Variants in AGBL1 observed in about 807,000 individuals in gnomAD.
AGBL1 encodes the protein AGBL carboxypeptidase 1.
A neutral mutation model predicts 118.9 loss-of-function variants in AGBL1; 130 were observed. That is an observed-to-expected ratio of 1.09 (90% CI 0.95 to 1.26). The LOEUF is 1.26. AGBL1 is among the 50% of genes most tolerant of loss of function. AGBL1 has a pLI of 0.00. For synonymous variants in AGBL1, 555 were observed against 478.9 expected, an observed-to-expected ratio of 1.16 and a Z score of -2.08; for missense variants, 1,584 against 1,298.1, an observed-to-expected ratio of 1.22 and a Z score of -3.38.
At chr15:86,611,123 T>C (rs1003568085) in intron 21 of AGBL1, among the ~76,000 whole-genome samples, 1 of 152,200 alleles carries the variant, frequency 6.6e-6, no homozygotes, top group Non-Finnish European at 1.5e-5. Flanking sequence ...TCTTGGTAGC[T>C]TGCAATTTGA....
chr15:86,980,135 A>G (rs1038118568), intron 23 of AGBL1, among the ~76,000 whole-genome samples: 14 of 103,306 alleles, frequency 1.4e-4, no homozygotes, highest in Non-Finnish European at 2.4e-4. Context: ...GCCCTCCTAG[A>G]GCAGCAACTC....
chr15:86,651,258 G>C (rs542639460), intron 21 of AGBL1, among the ~76,000 whole-genome samples: 1 of 152,130 alleles, frequency 6.6e-6, no homozygotes, highest in Non-Finnish European at 1.5e-5. Flanking sequence ...GGGCCCTGCA[G>C]GGGTCACGTT....
At chr15:86,495,124 C>G (rs556707371) in intron 18 of AGBL1, among the ~76,000 whole-genome samples, 1 of 151,414 alleles carries the variant, frequency 6.6e-6, no homozygotes, top group Non-Finnish European at 1.5e-5. Context: ...CTCTCTCTCT[C>G]GCTTTCTTTC....
At chr15:86,640,213 G>C (rs1462442620) in intron 21 of AGBL1, among the ~76,000 whole-genome samples, 1 of 151,920 alleles carries the variant, frequency 6.6e-6, no homozygotes, top group African/African-American at 2.4e-5. Context: ...CAACAAAATA[G>C]ACAAATTCCT....
intron 3 of AGBL1, among the ~76,000 whole-genome samples, chr15:86,147,111 A>G (rs990434369): frequency 1.3e-5 from 2 of 152,202 alleles, no homozygotes; most frequent in Non-Finnish European, 2.9e-5. Flanking sequence ...TTGGAACAGT[A>G]ATGTAGAAAT....
intron 5 of AGBL1, among the ~76,000 whole-genome samples, chr15:86,199,313 A>G (rs2077867257): frequency 6.6e-6 from 1 of 152,198 alleles, no homozygotes; most frequent in African/African-American, 2.4e-5. Context: ...AACATCTCAT[A>G]TTATATATAT....
At position 86,754,197 on chromosome 15, in the gene AGBL1, T is replaced by C. The variant is rs111238591; in HGVS notation, c.3158+79761T>C. Among the ~76,000 whole-genome samples the C allele has an allele frequency of 3.5e-3, 530 of 152,210 alleles. 5 individuals are homozygous for C. The highest frequency in any genetic ancestry group is 0.012 in the African/African-American group (507 of 41,552). The stretch of plus-strand genomic sequence containing the variant: ...AATTATCAACAAATTTAAGGGAATA[T>C]TCATATTTAAAAGGGATTCGTGCTT... On this transcript the variant is annotated intron_variant, in intron 22 of 22. Coordinates refer to ENST00000614907, the MANE Select transcript of AGBL1 (RefSeq NM_001386094.1).
intron 21 of AGBL1, among the ~76,000 whole-genome samples, chr15:86,555,289 C>G (rs1052095294): frequency 6.6e-6 from 1 of 152,180 alleles, no homozygotes; most frequent in African/African-American, 2.4e-5. Context: ...TCCTCGGTGA[C>G]TTCCATTCAA....
chr15:86,189,068 A>T (rs1308133481), intron 5 of AGBL1, among the ~76,000 whole-genome samples: 1 of 152,242 alleles, frequency 6.6e-6, no homozygotes, highest in African/African-American at 2.4e-5. Context: ...GAAAATGTCA[A>T]TGAAAAGGGC....
At chr15:86,100,002 C>A (rs1896616480) in intron 1 of AGBL1, among the ~76,000 whole-genome samples, 1 of 150,846 alleles carries the variant, frequency 6.6e-6, no homozygotes, top group South Asian at 2.1e-4. Context: ...TGAAGTGTTT[C>A]TTCTATGTTT....
chr15:86,223,159 G>C (rs1441613593), intron 5 of AGBL1, among the ~76,000 whole-genome samples: 1 of 152,050 alleles, frequency 6.6e-6, no homozygotes, highest in South Asian at 2.1e-4. Context: ...TTTGCCACCT[G>C]TCCCTCCCCA....
intron 1 of AGBL1, chr15:86,116,511 T>C (rs545081627): frequency 6.6e-6 from 1 of 152,290 alleles, no homozygotes; most frequent in African/African-American, 2.4e-5. Context: ...CTTTCATCAT[T>C]GTGGGTGGGC....
intron 23 of AGBL1, among the ~76,000 whole-genome samples, chr15:86,942,684 G>C (rs1245651107): frequency 1.3e-5 from 2 of 152,092 alleles, no homozygotes; most frequent in Non-Finnish European, 2.9e-5. Flanking sequence ...CTGAGCGTTT[G>C]TGATTCAAAG....
chr15:86,353,119 A>T (rs1378021938), intron 17 of AGBL1, among the ~76,000 whole-genome samples: 1 of 152,196 alleles, frequency 6.6e-6, no homozygotes, highest in African/African-American at 2.4e-5. Context: ...TGTGATTTCC[A>T]ATTAGTTTTC....
intron 22 of AGBL1, among the ~76,000 whole-genome samples, chr15:86,704,757 T>C (rs140213185): frequency 2.0e-5 from 3 of 152,150 alleles, no homozygotes; most frequent in Non-Finnish European, 4.4e-5. Context: ...AGAAATACCA[T>C]TTGACCCAAC....
At chr15:86,741,163 G>A (rs1461221066) in intron 22 of AGBL1, among the ~76,000 whole-genome samples, 1 of 151,800 alleles carries the variant, frequency 6.6e-6, no homozygotes, top group Admixed American at 6.6e-5. Context: ...TGGTTTGTCA[G>A]CTATGCCCAA....
intron 23 of AGBL1, among the ~76,000 whole-genome samples, chr15:86,925,186 G>GAGGAGGAAGAA (rs2080522832): frequency 7.2e-6 from 1 of 138,212 alleles, no homozygotes; most frequent in South Asian, 2.4e-4. Flanking sequence ...AGAGGAAGAG[G>GAGGAGGAAGAA]AAGAAAAGAA....
At chr15:86,768,808 A>G (rs796657209) in intron 22 of AGBL1, among the ~76,000 whole-genome samples, 154 of 152,136 alleles carry the variant, frequency 1.0e-3, no homozygotes, top group African/African-American at 3.6e-3. Context: ...GGCCTCTTAT[A>G]TCATATTAAT....
At chr15:86,952,228 C>CAA (rs553982989) in intron 23 of AGBL1, among the ~76,000 whole-genome samples, 1 of 133,104 alleles carries the variant, frequency 7.5e-6, no homozygotes, top group Non-Finnish European at 1.6e-5. Flanking sequence ...AACTCTGTCT[C>CAA]AAAAAAAAAA....
Sources: gnomAD v4.1 joint callset for allele counts (sites outside exome capture counted in the v4.1 genomes callset) on GRCh38, gnomAD v4.1.1 for gene constraint, MANE v1.5 for transcripts, NCBI Gene and HGNC (gene_info 2026-07-23, HGNC 2026-07-21) for gene names.